Variants in PPP2R5C observed in about 807,000 individuals in gnomAD.
The protein encoded by PPP2R5C is protein phosphatase 2 regulatory subunit B'gamma, also known as serine/threonine-protein phosphatase 2A 56 kDa regulatory subunit gamma isoform.
In PPP2R5C, 7 loss-of-function variants were observed where a neutral mutation model predicts 68.9. The observed-to-expected ratio is 0.10, with a 90% confidence interval of 0.06 to 0.19. The LOEUF (loss-of-function observed/expected upper bound fraction) is 0.19, where lower values mean the gene tolerates loss of function less well. Among genes scored for constraint, PPP2R5C ranks in the 10% least tolerant of loss-of-function variants. PPP2R5C has a pLI of 1.00. For missense variants in PPP2R5C, 348 were observed against 641.3 expected (o/e 0.54, Z 4.94); for synonymous variants, 210 against 222.2 (o/e 0.95, Z 0.49).
At chr14:101,874,762 CAG>C (rs1428939856) in intron 2 of PPP2R5C, among the ~76,000 whole-genome samples, 4 of 151,796 alleles carry the variant, frequency 2.6e-5, no homozygotes, top group East Asian at 1.9e-4. Context: ...TAATTTGAGA[CAG>C]AGTCTTGCTC....
In PPP2R5C at chr14:101,890,107, T is replaced by C. The variant is rs2044769727; in HGVS notation, c.630-130T>C. 4 of 832,774 alleles carry C rather than the reference T, an allele frequency of 4.8e-6. No homozygotes were observed. In the Admixed American group the frequency reaches 6.3e-5, roughly 13 times the overall value. 51.6% of individuals were successfully genotyped at this position (832,774 alleles called of 1,614,324 possible). A position where few individuals can be genotyped will look rare whatever the true frequency, so the allele number is the denominator to read the frequency against. ...CTTTGGTTCCTGAAGGGCTGCTTGC[T>C]CACCACGAGCAGTGTTTGCACAAAT... On this transcript the variant is annotated intron_variant, in intron 5 of 13. Coordinates refer to ENST00000334743, the Ensembl canonical transcript of PPP2R5C.
chr14:101,829,783 C>T (rs1358471404), intron 1 of PPP2R5C, among the ~76,000 whole-genome samples: 1 of 152,120 alleles, frequency 6.6e-6, no homozygotes, highest in Non-Finnish European at 1.5e-5. Flanking sequence ...GGCCTCCCTG[C>T]CCCCAGCTCA....
rs144906582 is a variant in PPP2R5C, at chr14:101,791,075, G to A, written c.259+4892G>A. Among the ~76,000 whole-genome samples the A allele has an allele frequency of 5.2e-4, 79 of 152,164 alleles. No individual in the cohort carries two copies. The East Asian group carries it at 0.013, about 24-fold the overall frequency. On this transcript the variant is annotated intron_variant, in intron 3 of 14. Transcript: ENST00000328724. ...AGCCTGGGCAACAGAGCAAGACTCC[G>A]TCTCAAAAAAAGAAAAAAGAAAAGA... is the stretch of plus-strand genomic sequence containing the variant.
intron 13 of PPP2R5C, among the ~76,000 whole-genome samples, chr14:101,920,474 G>A (rs2051716568): frequency 6.6e-6 from 1 of 152,126 alleles, no homozygotes; most frequent in South Asian, 2.1e-4. Context: ...TCTGTCACCG[G>A]GTTTCCTGTG....
chr14:101,866,536 G>A (rs1303287629), intron 2 of PPP2R5C, among the ~76,000 whole-genome samples: 3 of 152,178 alleles, frequency 2.0e-5, no homozygotes, highest in Non-Finnish European at 4.4e-5. Flanking sequence ...TGGGCATGGT[G>A]TTGCACACCT....
At chr14:101,880,969 G>A (rs1385854204) in intron 2 of PPP2R5C, among the ~76,000 whole-genome samples, 1 of 152,090 alleles carries the variant, frequency 6.6e-6, no homozygotes, top group Non-Finnish European at 1.5e-5. Context: ...TTTTGATTTT[G>A]TGCTTCTGAG....
rs1292363221 is a variant in PPP2R5C at position 101,891,636 on chromosome 14, G to A, written c.689+1340G>A. On this transcript the variant is annotated intron_variant, in intron 6 of 13. Transcript: ENST00000334743. The surrounding 1 kb of genome is among the most constrained non-coding windows in gnomAD (Gnocchi z 4.9). ...TGCATAGGGCCGCCGGGCAGCTCCC[G>A]CCGAGAGGCTGATTAGTTTTATCCT... 2.6e-5 allele frequency among the ~76,000 whole-genome samples: 4 copies of A among 152,108 alleles called. No homozygotes were observed. Among genetic ancestry groups the A allele is most frequent in the African/African-American group, 7.2e-5 (3 of 41,430 alleles).
At chr14:101,837,889 A>G (rs1045905538) in intron 1 of PPP2R5C, among the ~76,000 whole-genome samples, 17 of 152,354 alleles carry the variant, frequency 1.1e-4, no homozygotes, top group African/African-American at 3.8e-4. Flanking sequence ...GGGTAGGCTC[A>G]GTCACTTGCC....
intron 5 of PPP2R5C, among the ~76,000 whole-genome samples, chr14:101,886,198 G>A (rs1427742117): frequency 6.6e-5 from 10 of 151,782 alleles, no homozygotes; most frequent in African/African-American, 1.5e-4. Context: ...GGAGAATGGC[G>A]TGAACCCGGG....
chr14:101,812,864 G>T (rs115294958), intron 1 of PPP2R5C, among the ~76,000 whole-genome samples: 1 of 152,206 alleles, frequency 6.6e-6, no homozygotes, highest in Non-Finnish European at 1.5e-5. Context: ...TTGTTGTCAC[G>T]ATCGCTTTGA....
intron 9 of PPP2R5C, among the ~76,000 whole-genome samples, chr14:101,903,064 T>G (rs78008035): frequency 4.7e-4 from 71 of 151,622 alleles, no homozygotes; most frequent in African/African-American, 1.7e-3. Flanking sequence ...GAAAATAATG[T>G]TTCTCAAGGC....
Position 101,781,965 on chromosome 14 carries a change from G to A in PPP2R5C, c.94-4053G>A, listed in dbSNP as rs2037722232. Among the ~76,000 whole-genome samples, 1 of 151,442 alleles carries A rather than the reference G, an allele frequency of 6.6e-6. No homozygotes were observed. Among genetic ancestry groups the A allele is most frequent in the Admixed American group, 6.6e-5 (1 of 15,210 alleles). ...CCGCTCTGGGCAGCTGCTCCCAAGG[G>A]AGCCCCTCGCCCTCTCTCTCTCCTT... is the stretch of plus-strand genomic sequence containing the variant. On this transcript the variant is annotated intron_variant, in intron 2 of 14. Coordinates refer to the PPP2R5C transcript ENST00000328724. The surrounding 1 kb of genome is among the most constrained non-coding windows in gnomAD (Gnocchi z 6.4).
At position 101,915,960 on chromosome 14, in the gene PPP2R5C, G is replaced by A. The variant is rs561592949; in HGVS notation, c.1327-1871G>A. ...CAGTCAGACTTGAGGGAAGGTGCCC[G>A]CGGCAGAGGTAGAGAAAAGCAGGGA... On this transcript the variant is annotated intron_variant, in intron 12 of 13. Coordinates refer to ENST00000334743, the Ensembl canonical transcript of PPP2R5C. The surrounding 1 kb of genome is among the most constrained non-coding windows in gnomAD (Gnocchi z 4.2). Among the ~76,000 whole-genome samples, 17 of 152,272 alleles carry A rather than the reference G, an allele frequency of 1.1e-4. No individual in the cohort carries two copies. The highest frequency in any genetic ancestry group is 6.2e-4 in the South Asian group (3 of 4,822).
rs543264658 is a variant in PPP2R5C at position 101,916,153 on chromosome 14, A to G, written c.1327-1678A>G. ...GCCCAGCCCGACTTGCATTTTTGCA[A>G]GCTCTTTGGCGCAGCATGGATGGAG... On this transcript the variant is annotated intron_variant, in intron 12 of 13. Transcript: ENST00000334743. The surrounding 1 kb of genome is among the most constrained non-coding windows in gnomAD (Gnocchi z 5.5). Among the ~76,000 whole-genome samples, 65 of 152,180 alleles carry G rather than the reference A, an allele frequency of 4.3e-4. No individual in the cohort carries two copies. Among genetic ancestry groups the G allele is most frequent in the Non-Finnish European group, 7.6e-4 (52 of 68,034 alleles).
At chr14:101,827,193 C>T (rs1380471552) in intron 1 of PPP2R5C, among the ~76,000 whole-genome samples, 1 of 151,960 alleles carries the variant, frequency 6.6e-6, no homozygotes, top group African/African-American at 2.4e-5. Context: ...CCAGGCTGGT[C>T]TCAAACTCCT....
At position 101,904,777 on chromosome 14, in the gene PPP2R5C, A is replaced by G. The variant is rs545103736; in HGVS notation, c.1024-1625A>G. ...AGCCCCATGCTGCTCAGAGCCTCCA[A>G]GTGCTGCTGTGAGTTGTGTGCAGAT... On this transcript the variant is annotated intron_variant, in intron 9 of 13. Transcript: ENST00000334743. Among the ~76,000 whole-genome samples, 11 of 152,332 alleles carry G rather than the reference A, an allele frequency of 7.2e-5. No individual in the cohort carries two copies. In the South Asian group the frequency reaches 2.3e-3, roughly 32 times the overall value.
At chr14:101,852,976 A>G (rs1450994587) in intron 1 of PPP2R5C, among the ~76,000 whole-genome samples, 3 of 152,236 alleles carry the variant, frequency 2.0e-5, no homozygotes, top group Non-Finnish European at 2.9e-5. Flanking sequence ...AAAATGATCT[A>G]TACAAGTATG....
intron 1 of PPP2R5C, among the ~76,000 whole-genome samples, 182 bp downstream of exon 1, chr14:101,762,102 G>T (rs1419667184): frequency 1.3e-5 from 2 of 151,510 alleles, no homozygotes; most frequent in Non-Finnish European, 2.9e-5. Flanking sequence ...CATGCCCGGT[G>T]GGGGCGGGGA....
intron 2 of PPP2R5C, among the ~76,000 whole-genome samples, chr14:101,864,566 G>T (rs1202287346): frequency 1.3e-5 from 2 of 152,206 alleles, no homozygotes; most frequent in South Asian, 4.1e-4. Flanking sequence ...AGGCATAGGA[G>T]GCCTAACCCC....
Sources: allele counts gnomAD v4.1 joint callset (sites outside exome capture counted in the v4.1 genomes callset), GRCh38; gene constraint gnomAD v4.1.1; non-coding constraint Gnocchi (gnomAD v3.1); transcripts MANE v1.5; gene names NCBI Gene and HGNC (gene_info 2026-07-23, HGNC 2026-07-21).